The following KCNIP4 variants were observed in gnomAD, a reference collection of about 807,000 sequenced individuals.
KCNIP4 encodes the protein potassium voltage-gated channel interacting protein 4.
In KCNIP4, 12 loss-of-function variants were observed where a neutral mutation model predicts 34.0. That is an observed-to-expected ratio of 0.35 (90% CI 0.23 to 0.57). The LOEUF is 0.57. Among genes scored for constraint, KCNIP4 ranks in the 20% least tolerant of loss-of-function variants. The probability of loss-of-function intolerance (pLI) is 0.83; values close to 1 mark genes in which losing one functional copy is unlikely to be tolerated. For synonymous variants in KCNIP4, 124 were observed against 102.2 expected, an observed-to-expected ratio of 1.21 and a Z score of -1.29; for missense variants, 238 against 311.7, an observed-to-expected ratio of 0.76 and a Z score of 1.78.
chr4:20,795,604 C>T (rs748169685), intron 3 of KCNIP4, among the ~76,000 whole-genome samples: 1 of 152,102 alleles, frequency 6.6e-6, no homozygotes, highest in Non-Finnish European at 1.5e-5. Context: ...CATCTTGATT[C>T]TATCTTTTGG....
intron 1 of KCNIP4, among the ~76,000 whole-genome samples, chr4:21,101,553 A>C (rs1289014952): frequency 6.6e-6 from 1 of 152,188 alleles, no homozygotes; most frequent in Non-Finnish European, 1.5e-5. Flanking sequence ...AGAAGGGCAG[A>C]TATGTAGAGA....
chr4:21,015,540 ATAT>A (rs532770180), intron 1 of KCNIP4, among the ~76,000 whole-genome samples: 2,939 of 123,052 alleles, frequency 0.024, 132 homozygotes, highest in African/African-American at 0.084. Context: ...ATAATATATT[ATAT>A]TATTATAATT....
intron 1 of KCNIP4, among the ~76,000 whole-genome samples, chr4:21,930,600 C>A (rs573038690): frequency 3.3e-5 from 5 of 152,098 alleles, no homozygotes; most frequent in Non-Finnish European, 7.4e-5. Context: ...TCACCATTCC[C>A]TGACTATGGC....
At chr4:21,071,333 A>G (rs923089004) in intron 1 of KCNIP4, among the ~76,000 whole-genome samples, 2 of 152,166 alleles carry the variant, frequency 1.3e-5, no homozygotes, top group African/African-American at 4.8e-5. Flanking sequence ...TTTCTCAAGC[A>G]TGTTTTGAAA....
At chr4:21,370,108 T>C (rs1720187757) in intron 1 of KCNIP4, among the ~76,000 whole-genome samples, 2 of 147,664 alleles carry the variant, frequency 1.4e-5, no homozygotes, top group Admixed American at 1.3e-4. Context: ...ATTACAGGCT[T>C]GAGCCACTGC....
chr4:21,720,226 G>A (rs553753744), intron 1 of KCNIP4, among the ~76,000 whole-genome samples: 5 of 151,968 alleles, frequency 3.3e-5, no homozygotes, highest in African/African-American at 4.8e-5. Context: ...GGCCAGTTGC[G>A]TTCAATACCA....
At chr4:21,397,041 T>C (rs1352553405) in intron 1 of KCNIP4, among the ~76,000 whole-genome samples, 1 of 152,176 alleles carries the variant, frequency 6.6e-6, no homozygotes, top group East Asian at 1.9e-4. Flanking sequence ...AAAAGTAATA[T>C]TTACATGGCA....
At chr4:21,745,359 T>C (rs186339353) in intron 1 of KCNIP4, among the ~76,000 whole-genome samples, 125 of 152,324 alleles carry the variant, frequency 8.2e-4, no homozygotes, top group Non-Finnish European at 1.3e-3. Flanking sequence ...TATCTTTAGG[T>C]TCTTTGCCTT....
chr4:20,768,093 G>C (rs1344148801), intron 3 of KCNIP4, among the ~76,000 whole-genome samples: 1 of 152,214 alleles, frequency 6.6e-6, no homozygotes, highest in Admixed American at 6.5e-5. Context: ...CTGTGCTGCT[G>C]ATATCACCAG....
At position 21,403,011 on chromosome 4, in the gene KCNIP4, T is replaced by G. The variant is rs146786077; in HGVS notation, c.62-520302A>C. ...CCACAAGCCCATTCCAGTGAGACTG[T>G]GGTCTACACCACTCTATTGTCATGA... On this transcript the variant is annotated intron_variant, in intron 1 of 8. Coordinates refer to ENST00000382152, the MANE Select transcript of KCNIP4 (RefSeq NM_025221.6). Among the ~76,000 whole-genome samples the G allele has an allele frequency of 4.5e-3, 684 of 152,256 alleles. 7 individuals carry two copies. Among genetic ancestry groups the G allele is most frequent in the African/African-American group, 0.016 (647 of 41,554 alleles).
At chr4:21,732,102 CACTT>C (rs1217115987) in intron 1 of KCNIP4, among the ~76,000 whole-genome samples, 16 of 122,654 alleles carry the variant, frequency 1.3e-4, no homozygotes, top group African/African-American at 1.1e-3. Flanking sequence ...TGAGTTGGTA[CACTT>C]ACTTCTTCAG....
chr4:21,408,251 C>A (rs1205865039), intron 1 of KCNIP4, among the ~76,000 whole-genome samples: 1 of 152,110 alleles, frequency 6.6e-6, no homozygotes, highest in Non-Finnish European at 1.5e-5. Context: ...ACATTCAGAG[C>A]CTTCCCAAAT....
chr4:21,234,486 C>T lies in KCNIP4; in HGVS notation c.62-351777G>A, dbSNP rs1203921997. The stretch of plus-strand genomic sequence containing the variant: ...CGTATATAATATATAGTACATATAA[C>T]GTATATAATATATATTACATATAAC... On this transcript the variant is annotated intron_variant, in intron 1 of 8. Transcript: ENST00000382152. Among the ~76,000 whole-genome samples, 217 of 98,258 alleles carry T rather than the reference C, an allele frequency of 2.2e-3. 13 individuals carry two copies. The highest frequency in any genetic ancestry group is 3.0e-3 in the Non-Finnish European group (159 of 52,912). The allele number at this position is 98,258 out of a possible 152,430, so 64.5% of individuals were successfully genotyped here.
At chr4:21,309,258 G>A (rs1382240681) in intron 1 of KCNIP4, among the ~76,000 whole-genome samples, 1 of 152,156 alleles carries the variant, frequency 6.6e-6, no homozygotes, top group African/African-American at 2.4e-5. Context: ...TCACCACAGA[G>A]TCCCAGTGAG....
chr4:21,192,943 C>CTAATAA (rs1491157367), intron 1 of KCNIP4, among the ~76,000 whole-genome samples: 8 of 145,292 alleles, frequency 5.5e-5, no homozygotes, highest in African/African-American at 2.0e-4. Flanking sequence ...ACTACTACTA[C>CTAATAA]TACTACTACT....
chr4:21,237,271 C>G lies in KCNIP4; in HGVS notation c.62-354562G>C, dbSNP rs557262725. Reference sequence around the variant, plus strand: ...TAAACGAAACAAGTTAGACAAGGTGCTTGTCTCATGGAGCTTATTTTATAA... The same window carrying G: ...TAAACGAAACAAGTTAGACAAGGTGGTTGTCTCATGGAGCTTATTTTATAA... On this transcript the variant is annotated intron_variant, in intron 1 of 8. Coordinates refer to ENST00000382152, the MANE Select transcript of KCNIP4 (RefSeq NM_025221.6). Among the ~76,000 whole-genome samples, 294 of 152,134 alleles carry G rather than the reference C, an allele frequency of 1.9e-3. 11 individuals carry two copies. The highest frequency in any genetic ancestry group is 6.3e-4 in the Non-Finnish European group (43 of 68,032).
At chr4:21,393,363 C>T (rs1577291849) in intron 1 of KCNIP4, among the ~76,000 whole-genome samples, 2 of 151,700 alleles carry the variant, frequency 1.3e-5, no homozygotes, top group African/African-American at 4.8e-5. Flanking sequence ...AGATGTGTAA[C>T]AAAGTTCACA....
chr4:21,005,741 TA>T (rs1435094513), intron 1 of KCNIP4, among the ~76,000 whole-genome samples: 1 of 152,078 alleles, frequency 6.6e-6, no homozygotes. Flanking sequence ...CCGGAATGCT[TA>T]TATAGTTTGA....
intron 1 of KCNIP4, among the ~76,000 whole-genome samples, chr4:21,721,820 C>T (rs1714841033): frequency 6.6e-6 from 1 of 152,056 alleles, no homozygotes; most frequent in African/African-American, 2.4e-5. Flanking sequence ...CAATTATGCC[C>T]GTCTCCATAA....
Sources: gnomAD v4.1 joint callset for allele counts (sites outside exome capture counted in the v4.1 genomes callset) on GRCh38, gnomAD v4.1.1 for gene constraint, MANE v1.5 for transcripts, NCBI Gene and HGNC (gene_info 2026-07-23, HGNC 2026-07-21) for gene names.